RNLS: variants seen among roughly 807,000 people sequenced by gnomAD.
RNLS encodes renalase.
In RNLS, 39 loss-of-function variants were observed where a neutral mutation model predicts 39.8. That is an observed-to-expected ratio of 0.98 (90% confidence interval 0.76 to 1.28). The LOEUF (loss-of-function observed/expected upper bound fraction) is 1.28. RNLS is among the 50% of genes most tolerant of loss of function. The probability of loss-of-function intolerance (pLI) is 0.00; values close to 1 mark genes in which losing one functional copy is unlikely to be tolerated. For missense variants in RNLS, 410 were observed against 413.3 expected, an observed-to-expected ratio of 0.99 and a Z score of 0.07; for synonymous variants, 147 against 150.7, an observed-to-expected ratio of 0.98 and a Z score of 0.18.
rs183040270 is a variant in RNLS, at chr10:88,327,854, C to T, written c.701-13213G>A. ...CTGAGCTCAGGCAATCTGCCCGCCT[C>T]GGCCTCCCAAAGTGCTAGGATTATA... On this transcript the variant is annotated intron_variant, in intron 5 of 6. Coordinates refer to ENST00000331772, the MANE Select transcript of RNLS (RefSeq NM_001031709.3). 4.0e-3 allele frequency among the ~76,000 whole-genome samples: 602 copies of T among 152,260 alleles called. 2 individuals are homozygous for T. The highest frequency in any genetic ancestry group is 0.012 in the African/African-American group (493 of 41,548).
intron 4 of RNLS, among the ~76,000 whole-genome samples, chr10:88,437,111 T>C (rs914018976): frequency 3.3e-5 from 5 of 152,232 alleles, no homozygotes; most frequent in African/African-American, 1.2e-4. Flanking sequence ...TGAAAAATAC[T>C]AGCTATAAAA....
intron 4 of RNLS, among the ~76,000 whole-genome samples, chr10:88,429,164 G>A (rs1236514312): frequency 6.6e-6 from 1 of 151,866 alleles, no homozygotes; most frequent in Non-Finnish European, 1.5e-5. Flanking sequence ...GGAAACCTGG[G>A]TTGGAGCCAG....
intron 6 of RNLS, among the ~76,000 whole-genome samples, chr10:88,290,453 C>T (rs927328467): frequency 4.6e-5 from 7 of 152,156 alleles, no homozygotes; most frequent in Admixed American, 2.0e-4. Flanking sequence ...GTTTTTCCTG[C>T]TACATTTCCT....
intron 4 of RNLS, among the ~76,000 whole-genome samples, chr10:88,540,173 T>C (rs955789173): frequency 6.6e-6 from 1 of 152,174 alleles, no homozygotes. Flanking sequence ...TACGCTATCA[T>C]GCAAAATTAC....
the RNLS span, among the ~76,000 whole-genome samples, chr10:88,211,685 G>A: frequency 6.6e-6 from 1 of 152,174 alleles, no homozygotes; most frequent in African/African-American, 2.4e-5. Flanking sequence ...AAGGTAGAGT[G>A]GGGTAGAGAT....
At chr10:88,336,538 A>G (rs1847514418) in intron 5 of RNLS, among the ~76,000 whole-genome samples, 1 of 152,180 alleles carries the variant, frequency 6.6e-6, no homozygotes, top group African/African-American at 2.4e-5. Flanking sequence ...GAACTCCCCT[A>G]AAGTTCCTAC....
chr10:88,500,900 C>A (rs890201277), intron 4 of RNLS, among the ~76,000 whole-genome samples: 1 of 151,984 alleles, frequency 6.6e-6, no homozygotes, highest in Admixed American at 6.6e-5. Flanking sequence ...TTTGCTTTCC[C>A]TTATCCTAAA....
chr10:88,498,522 G>T (rs1845296910), intron 4 of RNLS, among the ~76,000 whole-genome samples: 1 of 147,600 alleles, frequency 6.8e-6, no homozygotes, highest in African/African-American at 2.5e-5. Context: ...TGAGACAACT[G>T]GTGAAATTTG....
chr10:88,194,487 A>G, the RNLS span, among the ~76,000 whole-genome samples: 1 of 152,224 alleles, frequency 6.6e-6, no homozygotes. Context: ...CCAATCACAA[A>G]TGAATATAGC....
At chr10:88,480,865 T>C (rs1340503703) in intron 4 of RNLS, among the ~76,000 whole-genome samples, 2 of 152,016 alleles carry the variant, frequency 1.3e-5, no homozygotes, top group African/African-American at 4.8e-5. Flanking sequence ...TGGTATAATA[T>C]TATTTTACAA....
intron 6 of RNLS, among the ~76,000 whole-genome samples, chr10:88,307,559 G>A (rs2133002724): frequency 6.6e-6 from 1 of 152,250 alleles, no homozygotes; most frequent in African/African-American, 2.4e-5. Context: ...GCCAAATCAG[G>A]AATGCAATCC....
the RNLS span, among the ~76,000 whole-genome samples, chr10:88,189,299 A>G: frequency 2.0e-5 from 3 of 152,344 alleles, no homozygotes; most frequent in South Asian, 2.1e-4. Context: ...TATGTCATTC[A>G]TCTTATAATT....
chr10:88,309,072 G>A (rs187339355), intron 6 of RNLS, among the ~76,000 whole-genome samples: 2 of 152,246 alleles, frequency 1.3e-5, no homozygotes, highest in East Asian at 3.9e-4. Context: ...GCTAAATGAT[G>A]AGAACACATG....
chr10:88,569,538 C>A (rs746289715), intron 4 of RNLS, among the ~76,000 whole-genome samples: 2 of 151,928 alleles, frequency 1.3e-5, no homozygotes, highest in African/African-American at 2.4e-5. Context: ...TCATACAGAG[C>A]AACATACTAT....
chr10:88,531,591 T>C (rs982721291), intron 4 of RNLS, among the ~76,000 whole-genome samples: 3 of 151,880 alleles, frequency 2.0e-5, no homozygotes, highest in Admixed American at 1.3e-4. Flanking sequence ...CACTCAATCA[T>C]AGCTGCATAT....
At position 88,580,229 on chromosome 10, in the gene RNLS, C is replaced by T. The variant is rs1004472084; in HGVS notation, c.367+1338G>A. ...CCATACTCACATATACACATGCATG[C>T]ACACATACATACACACACATACCCT... is the stretch of plus-strand genomic sequence containing the variant. On this transcript the variant is annotated intron_variant, in intron 3 of 6. Transcript: ENST00000331772. 5.9e-5 allele frequency among the ~76,000 whole-genome samples: 9 copies of T among 152,192 alleles called. No homozygotes were observed. In the East Asian group the frequency reaches 1.7e-3, roughly 29 times the overall value.
At chr10:88,503,217 CT>C (rs1845600133) in intron 4 of RNLS, among the ~76,000 whole-genome samples, 1 of 152,044 alleles carries the variant, frequency 6.6e-6, no homozygotes, top group African/African-American at 2.4e-5. Context: ...CCTGTATCTA[CT>C]AAAAATACAA....
chr10:88,468,532 G>A (rs754632620), intron 4 of RNLS, among the ~76,000 whole-genome samples: 5 of 152,154 alleles, frequency 3.3e-5, no homozygotes, highest in South Asian at 4.1e-4. Context: ...AGGAACCACA[G>A]TTTTGGTCTT....
intron 4 of RNLS, among the ~76,000 whole-genome samples, chr10:88,366,245 G>C (rs1044124635): frequency 6.6e-6 from 1 of 151,996 alleles, no homozygotes; most frequent in African/African-American, 2.4e-5. Flanking sequence ...ATTTTACTTG[G>C]ATTTACACGG....
Sources: gnomAD v4.1 joint callset for allele counts (sites outside exome capture counted in the v4.1 genomes callset) on GRCh38, gnomAD v4.1.1 for gene constraint, MANE v1.5 for transcripts, NCBI Gene and HGNC (gene_info 2026-07-23, HGNC 2026-07-21) for gene names.